The following GRIA3 variants were observed in gnomAD, a reference collection of about 807,000 sequenced individuals.
GRIA3 encodes the protein glutamate receptor 3.
A neutral mutation model predicts 63.0 loss-of-function variants in GRIA3; 3 were observed. The observed-to-expected ratio is 0.05, with a 90% confidence interval of 0.02 to 0.12. The LOEUF (loss-of-function observed/expected upper bound fraction) is 0.12, where lower values mean the gene tolerates loss of function less well. Ranked by LOEUF, GRIA3 falls within the 10% of genes least tolerant of loss-of-function variation. GRIA3 has a pLI of 1.00. For missense variants in GRIA3, 347 were observed against 700.9 expected (o/e 0.50, Z 5.70); for synonymous variants, 274 against 257.9 (o/e 1.06, Z -0.60).
intron 3 of GRIA3, among the ~76,000 whole-genome samples, chrX:123,292,055 C>G (rs2044659073): frequency 5.4e-5 from 6 of 111,043 alleles, no homozygotes. Context: ...AGCTGTGTGT[C>G]AAGTTTTATT....
At chrX:123,367,667 C>A (rs1411510659) in intron 5 of GRIA3, among the ~76,000 whole-genome samples, 2 of 111,242 alleles carry the variant, frequency 1.8e-5, no homozygotes, top group African/African-American at 6.5e-5. Context: ...GAACTGCTAA[C>A]CTCAGGTGAT....
chrX:123,404,508 G>A (rs1313651366), intron 9 of GRIA3, among the ~76,000 whole-genome samples, 200 bp from the exon 10 acceptor site: 1 of 98,209 alleles, frequency 1.0e-5, no homozygotes, highest in Non-Finnish European at 2.0e-5. Context: ...ACCAGTTAAG[G>A]ACTCCCCCTA....
intron 12 of GRIA3, among the ~76,000 whole-genome samples, chrX:123,430,484 C>A (rs1181916043): frequency 9.0e-6 from 1 of 111,206 alleles, no homozygotes; most frequent in Admixed American, 9.6e-5. Context: ...AAAATGTTAT[C>A]TAGACCCAAC....
chrX:123,213,383 TG>T (rs1928086281), intron 2 of GRIA3, among the ~76,000 whole-genome samples: 2 of 112,441 alleles, frequency 1.8e-5, no homozygotes, highest in Middle Eastern at 4.6e-3. Context: ...TATTTAATTC[TG>T]CCATCAGCCT....
intron 10 of GRIA3, among the ~76,000 whole-genome samples, chrX:123,405,659 C>G (rs754228723): frequency 1.3e-4 from 15 of 111,788 alleles, no homozygotes; most frequent in Non-Finnish European, 2.8e-4. Flanking sequence ...CCTGGAAGTA[C>G]TTTTGTGTCT....
At chrX:123,293,028 C>A (rs896706848) in intron 3 of GRIA3, among the ~76,000 whole-genome samples, 1 of 110,240 alleles carries the variant, frequency 9.1e-6, no homozygotes, top group Non-Finnish European at 1.9e-5. Context: ...GGGTATGGTA[C>A]CTTCTGGTGT....
chrX:123,258,263 T>A (rs755823038), intron 3 of GRIA3, among the ~76,000 whole-genome samples: 4 of 112,857 alleles, frequency 3.5e-5, no homozygotes, highest in African/African-American at 1.3e-4. Flanking sequence ...ACAGCTCAGC[T>A]GACCAATTTA....
intron 3 of GRIA3, among the ~76,000 whole-genome samples, chrX:123,280,355 C>CT (rs1342417884): frequency 2.7e-5 from 3 of 112,299 alleles, no homozygotes; most frequent in Non-Finnish European, 5.6e-5. Flanking sequence ...ACCACTTCAT[C>CT]TTTTTTTGTG....
intron 3 of GRIA3, among the ~76,000 whole-genome samples, chrX:123,281,321 CT>C (rs760961850): frequency 2.0e-4 from 22 of 111,534 alleles, no homozygotes; most frequent in Non-Finnish European, 4.0e-4. Context: ...GGACACTTTA[CT>C]TGTCTATGGC....
At chrX:123,372,181 A>G (rs865798968) in intron 5 of GRIA3, among the ~76,000 whole-genome samples, 3 of 111,670 alleles carry the variant, frequency 2.7e-5, no homozygotes. Flanking sequence ...AAAATGAGTT[A>G]ACTGTAGGTG....
At chrX:123,249,418 C>T (rs1007152042) in intron 2 of GRIA3, among the ~76,000 whole-genome samples, 6 of 111,654 alleles carry the variant, frequency 5.4e-5, no homozygotes, top group African/African-American at 2.0e-4. Flanking sequence ...CCATTCAACC[C>T]TACTTTTGAC....
At chrX:123,326,631 T>C (rs1367165926) in intron 4 of GRIA3, among the ~76,000 whole-genome samples, 1 of 111,412 alleles carries the variant, frequency 9.0e-6, no homozygotes, top group African/African-American at 3.3e-5. Context: ...ATTGCTGGAA[T>C]ATGTACTATT....
At chrX:123,461,650 G>A (rs1030396656) in intron 12 of GRIA3, among the ~76,000 whole-genome samples, 4 of 111,099 alleles carry the variant, frequency 3.6e-5, no homozygotes, top group Non-Finnish European at 5.7e-5. Flanking sequence ...GGAACTAGCC[G>A]AGGATTTTAA....
chrX:123,457,448 T>A (rs2045768243), intron 12 of GRIA3, among the ~76,000 whole-genome samples: 1 of 111,749 alleles, frequency 8.9e-6, no homozygotes, highest in East Asian at 2.8e-4. Flanking sequence ...GTCCTGTACA[T>A]ACAATGATGG....
intron 4 of GRIA3, among the ~76,000 whole-genome samples, chrX:123,347,115 C>T (rs1371252897): frequency 3.6e-5 from 4 of 112,101 alleles, no homozygotes; most frequent in Non-Finnish European, 5.6e-5. Context: ...CCCTGTATTT[C>T]GCTGAAAGTC....
intron 12 of GRIA3, among the ~76,000 whole-genome samples, chrX:123,439,949 C>A (rs1360351526): frequency 9.0e-6 from 1 of 111,445 alleles, no homozygotes; most frequent in Non-Finnish European, 1.9e-5. Flanking sequence ...CTCTTCCAAC[C>A]TTTCATCCTC....
intron 10 of GRIA3, among the ~76,000 whole-genome samples, chrX:123,416,938 C>T (rs1450080837): frequency 8.9e-6 from 1 of 112,277 alleles, no homozygotes; most frequent in Non-Finnish European, 1.9e-5. Context: ...TGCTGTGGCC[C>T]TGTGTGGCAC....
At chrX:123,477,957 G>C (rs2045894502) in intron 13 of GRIA3, among the ~76,000 whole-genome samples, 1 of 111,760 alleles carries the variant, frequency 8.9e-6, no homozygotes, top group African/African-American at 3.3e-5. Flanking sequence ...AATAAGAAAA[G>C]AGGAAGCACA....
chrX:123,413,850 C>G (rs2045521495), intron 10 of GRIA3, among the ~76,000 whole-genome samples: 1 of 111,133 alleles, frequency 9.0e-6, no homozygotes, highest in Non-Finnish European at 1.9e-5. Context: ...CCTTGGGGTA[C>G]AAAGGTGCAC....
Sources: gnomAD v4.1 joint callset for allele counts (sites outside exome capture counted in the v4.1 genomes callset) on GRCh38, gnomAD v4.1.1 for gene constraint, MANE v1.5 for transcripts, NCBI Gene and HGNC (gene_info 2026-07-23, HGNC 2026-07-21) for gene names.